Variants in FER1L5 observed in about 807,000 individuals in gnomAD.
FER1L5 encodes fer-1 like family member 5.
Under a neutral mutation model 279.9 loss-of-function variants are expected in FER1L5, and 187 were observed. That is an observed-to-expected ratio of 0.67 (90% CI 0.59 to 0.75). The LOEUF is 0.75. Among genes scored for constraint, FER1L5 ranks in the 30% least tolerant of loss-of-function variants. The probability of loss-of-function intolerance (pLI) is 0.00; values close to 1 mark genes in which losing one functional copy is unlikely to be tolerated. For synonymous variants in FER1L5, 921 were observed against 989.7 expected (o/e 0.93, Z 1.30); for missense variants, 2,091 against 2,594.4 (o/e 0.81, Z 4.21).
intron 6 of FER1L5, 69 bp from the exon 7 acceptor site, chr2:96,651,823 T>G (rs1430445677): frequency 2.6e-6 from 4 of 1,544,534 alleles, no homozygotes; most frequent in South Asian, 1.2e-5. Context: ...GAATGTTTTC[T>G]TATCAGAACA....
At chr2:96,669,851 G>A (rs970875512) in intron 17 of FER1L5, among the ~76,000 whole-genome samples, 1 of 152,132 alleles carries the variant, frequency 6.6e-6, no homozygotes, top group African/African-American at 2.4e-5. Context: ...CAAACTCAGT[G>A]GTAATCACAG....
intron 19 of FER1L5, among the ~76,000 whole-genome samples, chr2:96,678,984 C>A (rs560137996): frequency 1.3e-5 from 2 of 151,984 alleles, no homozygotes; most frequent in Non-Finnish European, 2.9e-5. Flanking sequence ...TTTATTTTTT[C>A]TTTTATGGTG....
In FER1L5 at chr2:96,702,501, G is replaced by A; in HGVS notation, c.5256-99G>A. The A allele has an allele frequency of 1.3e-6, 2 of 1,549,188 alleles. No individual in the cohort carries two copies. Among genetic ancestry groups the A allele is most frequent in the Non-Finnish European group, 1.7e-6 (2 of 1,145,878 alleles). On this transcript the variant is annotated intron_variant, in intron 47 of 52. Coordinates refer to ENST00000624922, the MANE Select transcript of FER1L5 (RefSeq NM_001293083.2). This position sits in a 1 kb window ranked among gnomAD's most constrained non-coding sequence, Gnocchi z 4.0. ...CCTGAATGGGACACCTCTCCATCCA[G>A]CTCTGCCTGGCGTCGGCTGGGCAGC...
At chr2:96,697,442 C>T in intron 37 of FER1L5, 84 bp from the exon 38 acceptor site, 5 of 1,488,990 alleles carry the variant, frequency 3.4e-6, no homozygotes, top group Non-Finnish European at 4.6e-6. Context: ...CAGGGAAGCT[C>T]TGGCCTCAAC....
rs967371231 is a variant in FER1L5 at position 96,702,131 on chromosome 2, G to A, written c.5159+88G>A. On this transcript the variant is annotated intron_variant, in intron 46 of 52. Coordinates refer to ENST00000624922, the MANE Select transcript of FER1L5 (RefSeq NM_001293083.2). This position sits in a 1 kb window ranked among gnomAD's most constrained non-coding sequence, Gnocchi z 4.0. The stretch of plus-strand genomic sequence containing the variant: ...CACCACTGTCCTCAGGTACTGAGCT[G>A]CAGTAATTCGTTTCTCTATTGGGAA... The A allele has an allele frequency of 9.6e-6, 15 of 1,567,424 alleles. No individual in the cohort carries two copies. The Admixed American group carries it at 2.7e-4, about 28-fold the overall frequency.
Position 96,697,695 on chromosome 2 carries a change from G to T in FER1L5, c.4170G>T (p.Lys1390Asn). The change falls in exon 39 of 53, where the codon AAG (lysine) becomes AAT (asparagine). Residue 1390 changes from lysine (K) to asparagine (N), a missense_variant. By Grantham distance (94) the Lys-to-Asn change is moderately conservative. Transcript: ENST00000624922. ...EYEHEVDWWSKLFWATDEHKS... is the reference protein window; with the variant it reads ...EYEHEVDWWSNLFWATDEHKS... ...AGCATGAGGTGGACTGGTGGAGCAA[G>T]CTGTTCTGGGCCACAGATGAGCACA... is the stretch of plus-strand genomic sequence containing the variant. The T allele has an allele frequency of 6.2e-7, 1 of 1,614,060 alleles. No homozygotes were observed. Among genetic ancestry groups the T allele is most frequent in the Non-Finnish European group, 8.5e-7 (1 of 1,179,902 alleles).
chr2:96,695,368 C>T (rs2077330511), intron 34 of FER1L5, 141 bp from the exon 35 acceptor site: 1 of 1,121,276 alleles, frequency 8.9e-7, no homozygotes, highest in African/African-American at 1.6e-5. Context: ...CCTTCAGACA[C>T]TGGCTCCTCT....
At position 96,642,815 on chromosome 2, in the gene FER1L5, G is replaced by C; in HGVS notation, c.-22G>C. ...AGCTGTGGCGCTGCGTAGGGAAGGA[G>C]GGAAGAAAGTAGGTCTCCGAGATGC... is the stretch of plus-strand genomic sequence containing the variant. On this transcript the variant is annotated 5_prime_UTR_variant, in exon 1 of 53. Coordinates refer to ENST00000624922, the MANE Select transcript of FER1L5 (RefSeq NM_001293083.2). 1.3e-6 allele frequency: 2 copies of C among 1,549,596 alleles called. No individual in the cohort carries two copies. The highest frequency in any genetic ancestry group is 1.7e-6 in the Non-Finnish European group (2 of 1,146,032).
Position 96,699,985 on chromosome 2 carries a change from G to A in FER1L5, c.4835G>A (p.Arg1612His), listed in dbSNP as rs758225117. 5 of 1,613,852 alleles carry A rather than the reference G, an allele frequency of 3.1e-6. No individual in the cohort carries two copies. Among genetic ancestry groups the A allele is most frequent in the Middle Eastern group, 1.6e-4 (1 of 6,084 alleles). The part of the protein sequence containing the change: ...DQMPPSYLLE[R>H]YAKRKGLPPP... Reference sequence around the variant, plus strand: ...ATGCCCCCAAGCTACCTCCTAGAACGCTATGCCAAGCGGAAAGGGCTACCT... The same window carrying A: ...ATGCCCCCAAGCTACCTCCTAGAACACTATGCCAAGCGGAAAGGGCTACCT... The change falls in exon 44 of 53, where the codon CGC becomes CAC. Residue 1612 changes from arginine to histidine, a missense_variant. Arg to His is a conservative substitution (Grantham distance 29). Coordinates refer to ENST00000624922, the MANE Select transcript of FER1L5 (RefSeq NM_001293083.2).
chr2:96,683,805 C>T (rs1309465958), intron 19 of FER1L5, among the ~76,000 whole-genome samples: 2 of 152,252 alleles, frequency 1.3e-5, no homozygotes, highest in Admixed American at 6.5e-5. Context: ...AAGGCCAACT[C>T]GGCAGCAGTG....
chr2:96,666,927 C>T (rs1047947768), intron 14 of FER1L5, among the ~76,000 whole-genome samples: 9 of 152,130 alleles, frequency 5.9e-5, no homozygotes, highest in Admixed American at 1.3e-4. Flanking sequence ...ACTGGGATTA[C>T]AGGCATTAGC....
chr2:96,659,299 T>TTCCTTCCTTCCTTCCTTCCTTCCC (rs2075741550), intron 9 of FER1L5, among the ~76,000 whole-genome samples: 1 of 28,786 alleles, frequency 3.5e-5, no homozygotes, highest in Non-Finnish European at 7.6e-5. Context: ...CTTTCCTTCC[T>TTCCTTCCTTCCTTCCTTCCTTCCC]TCCTTCCTTC....
intron 2 of FER1L5, among the ~76,000 whole-genome samples, chr2:96,646,737 G>A (rs1490763976): frequency 6.6e-6 from 1 of 152,170 alleles, no homozygotes; most frequent in Admixed American, 6.5e-5. Flanking sequence ...GTTCCTAGAA[G>A]CCTGAAGCAG....
intron 24 of FER1L5, chr2:96,688,963 A>C: frequency 2.2e-6 from 1 of 453,910 alleles, no homozygotes; most frequent in Non-Finnish European, 4.0e-6. Context: ...AGCACTACAT[A>C]GATGTCTTAT....
chr2:96,685,122 A>G (rs531387362), intron 20 of FER1L5, among the ~76,000 whole-genome samples: 1 of 152,072 alleles, frequency 6.6e-6, no homozygotes, highest in South Asian at 2.1e-4. Flanking sequence ...GCTTCTTGCC[A>G]CCTGTTTCTT....
intron 30 of FER1L5, 69 bp downstream of exon 30, chr2:96,692,032 C>CGG: frequency 1.3e-6 from 2 of 1,499,704 alleles, no homozygotes; most frequent in Non-Finnish European, 9.0e-7. Flanking sequence ...GGGGGGGGGA[C>CGG]AGGGTGGGGG....
At position 96,695,660 on chromosome 2, in the gene FER1L5, T is replaced by C; in HGVS notation, c.3893T>C (p.Val1298Ala). The C allele has an allele frequency of 6.2e-7, 1 of 1,605,262 alleles. No individual in the cohort carries two copies. Among genetic ancestry groups the C allele is most frequent in the Non-Finnish European group, 8.5e-7 (1 of 1,175,298 alleles). The change falls in exon 35 of 53, where the codon GTG (valine) becomes GCG (alanine). Residue 1298 changes from valine (V) to alanine (A), a missense_variant and splice_region_variant. Val to Ala is a moderately conservative substitution (Grantham distance 64). Coordinates refer to ENST00000624922, the MANE Select transcript of FER1L5 (RefSeq NM_001293083.2). ...PESESVLVLT[V>A]LMPTEEAYAL... ...TCTGAGTCTGTCCTAGTCCTCACAG[T>C]GGTAAGAGGCCCCAGGGCAGGGGCT...
intron 23 of FER1L5, 75 bp downstream of exon 23, chr2:96,686,425 C>A: frequency 6.8e-7 from 1 of 1,472,132 alleles, no homozygotes; most frequent in South Asian, 1.3e-5. Context: ...ACTCGCAGGG[C>A]AGCCCCTATG....
rs188512275 is a variant in FER1L5 at position 96,686,831 on chromosome 2, G to A, written c.2229+481G>A. On this transcript the variant is annotated intron_variant, in intron 23 of 52. Coordinates refer to ENST00000624922, the MANE Select transcript of FER1L5 (RefSeq NM_001293083.2). ...TGAGATCGTGACACTGTTCCAGCCT[G>A]GGTGACAGAGCGAGACTCCGTCTCA... Among the ~76,000 whole-genome samples, 314 of 147,990 alleles carry A rather than the reference G, an allele frequency of 2.1e-3. 1 individual carries two copies. Among genetic ancestry groups the A allele is most frequent in the African/African-American group, 7.3e-3 (291 of 39,790 alleles).
Sources: gnomAD v4.1 joint callset for allele counts (sites outside exome capture counted in the v4.1 genomes callset) on GRCh38, gnomAD v4.1.1 for gene constraint, Gnocchi (gnomAD v3.1) non-coding constraint, MANE v1.5 for transcripts, NCBI Gene and HGNC (gene_info 2026-07-23, HGNC 2026-07-21) for gene names.